MCTP2: variants seen among roughly 807,000 people sequenced by gnomAD.
MCTP2 encodes the protein multiple C2 and transmembrane domain containing 2.
A neutral mutation model predicts 111.6 loss-of-function variants in MCTP2; 132 were observed. The ratio of observed to expected loss-of-function variants is 1.18; its 90% CI spans 1.03 to 1.37. The LOEUF (loss-of-function observed/expected upper bound fraction) is 1.37. MCTP2 is among the 40% of genes most tolerant of loss of function. MCTP2 has a pLI of 0.00. For missense variants in MCTP2, 1,183 were observed against 1,067.9 expected (o/e 1.11, Z -1.50); for synonymous variants, 395 against 387.7 (o/e 1.02, Z -0.22).
Position 94,267,869 on chromosome 15 carries a change from C to CTTTTTTTTTTTTTT in MCTP2, c.-65-30331_-65-30318dup, listed in dbSNP as rs755287019. Among the ~76,000 whole-genome samples the CTTTTTTTTTTTTTT allele has an allele frequency of 2.1e-3, 163 of 77,426 alleles. 26 individuals carry two copies. Among genetic ancestry groups the CTTTTTTTTTTTTTT allele is most frequent in the African/African-American group, 3.7e-3 (65 of 17,420 alleles). 50.8% of individuals were successfully genotyped at this position (77,426 alleles called of 152,430 possible). ...GGTCTGGATTACTTTCCTTTTCTTT[C>CTTTTTTTTTTTTTT]TTTTTTTTTTTTTTGAGACAGAGTC... On this transcript the variant is annotated intron_variant, in intron 1 of 22. Coordinates refer to ENST00000357742, the MANE Select transcript of MCTP2 (RefSeq NM_001385001.1).
chr15:94,478,903 A>T, intron 22 of MCTP2, 63 bp from the exon 23 acceptor site: 1 of 1,470,382 alleles, frequency 6.8e-7, no homozygotes, highest in Non-Finnish European at 9.5e-7. Flanking sequence ...GGGAGCCATT[A>T]GCACACACTG....
In MCTP2 at chr15:94,356,140, T is replaced by C; in HGVS notation, c.1009T>C (p.Ser337Pro). Reference protein sequence around the residue: ...NRKRLSASKSSLIRNLRLSES... With the variant: ...NRKRLSASKSPLIRNLRLSES... ...TCATCTTTATTTTTTGCTTTAGTCC[T>C]CTTTGATACGCAACCTACGGCTCTC... The change falls in exon 9 of 23, where the codon TCT (serine) becomes CCT (proline). Residue 337 changes from serine (S) to proline (P), a missense_variant. Physicochemically the swap from Ser to Pro is moderately conservative, Grantham distance 74. Coordinates refer to ENST00000357742, the MANE Select transcript of MCTP2 (RefSeq NM_001385001.1). 1.3e-6 allele frequency: 2 copies of C among 1,589,282 alleles called. No homozygotes were observed. The highest frequency in any genetic ancestry group is 1.7e-4 in the Middle Eastern group (1 of 5,972).
In MCTP2 at chr15:94,482,539, G is replaced by A. The variant is rs959263441; in HGVS notation, c.*3505G>A. 6.6e-6 allele frequency: 1 copy of A among 152,186 alleles called. No homozygotes were observed. The highest frequency in any genetic ancestry group is 2.4e-5 in the African/African-American group (1 of 41,432). The allele number at this position is 152,186 out of a possible 1,614,324, so 9.4% of individuals were successfully genotyped here. ...TAAGAACTGCTGTGAGAGGACCACA[G>A]GAGTCCAGTTTTAGCGCTGAATCTC... is the stretch of plus-strand genomic sequence containing the variant. On this transcript the variant is annotated 3_prime_UTR_variant, in exon 23 of 23. Transcript: ENST00000357742.
chr15:94,361,905 G>A (rs2152430463), intron 10 of MCTP2, among the ~76,000 whole-genome samples: 1 of 152,254 alleles, frequency 6.6e-6, no homozygotes, highest in Non-Finnish European at 1.5e-5. Context: ...GCATGGGTAG[G>A]TTGTTAGCTT....
intron 14 of MCTP2, among the ~76,000 whole-genome samples, chr15:94,386,238 CT>C (rs1326804788): frequency 1.3e-5 from 2 of 152,160 alleles, no homozygotes; most frequent in African/African-American, 4.8e-5. Flanking sequence ...CAAACATACT[CT>C]TTGAGAAGAG....
At chr15:94,340,783 G>A (rs764460114) in intron 6 of MCTP2, 30 bp from the exon 7 acceptor site, 2 of 1,377,360 alleles carry the variant, frequency 1.5e-6, no homozygotes, top group East Asian at 4.6e-5. Context: ...TCAATAAGTG[G>A]TAGCATTATT....
At chr15:94,376,225 C>T (rs1382216273) in intron 12 of MCTP2, among the ~76,000 whole-genome samples, 2 of 152,130 alleles carry the variant, frequency 1.3e-5, no homozygotes, top group African/African-American at 4.8e-5. Context: ...AGATTTGAGC[C>T]GTAACTGCAG....
intron 1 of MCTP2, chr15:94,278,052 G>A (rs1050448737): frequency 2.0e-5 from 3 of 152,080 alleles, no homozygotes; most frequent in Non-Finnish European, 4.4e-5. Flanking sequence ...GTATATTCAT[G>A]GCTTGGGAGA....
rs761244796 is a variant in MCTP2, at chr15:94,384,088, A to G, written c.1649A>G (p.Lys550Arg). 6.2e-7 allele frequency: 1 copy of G among 1,613,956 alleles called. No individual in the cohort carries two copies. Among genetic ancestry groups the G allele is most frequent in the Non-Finnish European group, 8.5e-7 (1 of 1,179,924 alleles). ...CGACTTCAGACGCATACCGTCTACA[A>G]AAACCTCAACCCTGAATGGAACAAA... is the stretch of plus-strand genomic sequence containing the variant. ...NDRLQTHTVYKNLNPEWNKVF... is the reference protein window; with the variant it reads ...NDRLQTHTVYRNLNPEWNKVF... Residue 550 changes from lysine (K) to arginine (R), a missense_variant, in exon 13 of 23, where the codon AAA (lysine) becomes AGA (arginine). By Grantham distance (26) the Lys-to-Arg change is conservative. Coordinates refer to ENST00000357742, the MANE Select transcript of MCTP2 (RefSeq NM_001385001.1).
chr15:94,412,812 A>G (rs528394119), intron 17 of MCTP2, among the ~76,000 whole-genome samples: 1 of 151,824 alleles, frequency 6.6e-6, no homozygotes, highest in Non-Finnish European at 1.5e-5. Context: ...GAGACCCTCA[A>G]TTTTTTTTGC....
intron 2 of MCTP2, among the ~76,000 whole-genome samples, chr15:94,307,492 G>A (rs913933719): frequency 6.6e-6 from 1 of 152,206 alleles, no homozygotes; most frequent in Non-Finnish European, 1.5e-5. Context: ...CTGGAGAGGA[G>A]GCAGTGAGGC....
In MCTP2 at chr15:94,298,285, C is replaced by A. The variant is rs1241123527; in HGVS notation, c.20C>A (p.Ser7Tyr). MDLDKP[S>Y]VWGSLKQRTR... Reference sequence around the variant, plus strand: ...GCAGCCATGGATCTGGATAAACCATCTGTTTGGGGCTCATTAAAACAGCGG... The same window carrying A: ...GCAGCCATGGATCTGGATAAACCATATGTTTGGGGCTCATTAAAACAGCGG... Residue 7 changes from serine (S) to tyrosine (Y), a missense_variant, in exon 2 of 23, where the codon TCT (serine) becomes TAT (tyrosine). Physicochemically the swap from Ser to Tyr is moderately radical, Grantham distance 144 (BLOSUM62 -2). Transcript: ENST00000357742. The A allele has an allele frequency of 1.2e-6, 2 of 1,612,078 alleles. No homozygotes were observed. The highest frequency in any genetic ancestry group is 2.7e-5 in the African/African-American group (2 of 74,774).
intron 1 of MCTP2, among the ~76,000 whole-genome samples, chr15:94,290,998 A>T (rs1037878493): frequency 6.6e-6 from 1 of 152,246 alleles, no homozygotes; most frequent in Non-Finnish European, 1.5e-5. Context: ...CAGCAAGGAC[A>T]TAGAAGAACT....
At chr15:94,242,878 G>C (rs988731896) in intron 1 of MCTP2, among the ~76,000 whole-genome samples, 1 of 149,880 alleles carries the variant, frequency 6.7e-6, no homozygotes, top group Non-Finnish European at 1.5e-5. Flanking sequence ...TTAGCTGACA[G>C]TGTTTCCTAA....
At chr15:94,355,195 T>C (rs917243401) in intron 8 of MCTP2, among the ~76,000 whole-genome samples, 1 of 152,222 alleles carries the variant, frequency 6.6e-6, no homozygotes, top group Non-Finnish European at 1.5e-5. Flanking sequence ...TTAACGCCAT[T>C]GAGTGTGATC....
At chr15:94,441,837 T>A (rs2083801229) in intron 18 of MCTP2, among the ~76,000 whole-genome samples, 1 of 152,192 alleles carries the variant, frequency 6.6e-6, no homozygotes, top group Non-Finnish European at 1.5e-5. Context: ...TTCCTGTTTA[T>A]CCATTGGCTT....
At position 94,268,432 on chromosome 15, in the gene MCTP2, T is replaced by C. The variant is rs191423275; in HGVS notation, c.-65-29769T>C. On this transcript the variant is annotated intron_variant, in intron 1 of 22. Coordinates refer to ENST00000357742, the MANE Select transcript of MCTP2 (RefSeq NM_001385001.1). ...GTCTTGAACTCCCGACCTCAGGTGA[T>C]CCACCTGCCTCGGCCTCCCAAAGTG... Among the ~76,000 whole-genome samples the C allele has an allele frequency of 2.8e-3, 426 of 151,762 alleles. 2 individuals carry two copies. The highest frequency in any genetic ancestry group is 4.3e-3 in the Non-Finnish European group (292 of 67,900).
At chr15:94,402,276 C>A (rs1036133855) in intron 17 of MCTP2, 3 of 982,530 alleles carry the variant, frequency 3.1e-6, no homozygotes, top group East Asian at 2.3e-4. Context: ...TTTGTATAGC[C>A]CTGCATTGTG....
intron 14 of MCTP2, among the ~76,000 whole-genome samples, chr15:94,397,005 A>G (rs998871749): frequency 6.6e-6 from 1 of 152,222 alleles, no homozygotes; most frequent in Non-Finnish European, 1.5e-5. Context: ...TAAAATTTAG[A>G]AAGGATGCCT....
Sources: allele counts gnomAD v4.1 joint callset (sites outside exome capture counted in the v4.1 genomes callset), GRCh38; gene constraint gnomAD v4.1.1; transcripts MANE v1.5; gene names NCBI Gene and HGNC (gene_info 2026-07-23, HGNC 2026-07-21).